The following MAGI2 variants were observed in gnomAD, a reference collection of about 807,000 sequenced individuals.
The protein encoded by MAGI2 is membrane associated guanylate kinase, WW and PDZ domain containing 2, also known as membrane-associated guanylate kinase, WW and PDZ domain-containing protein 2.
A neutral mutation model predicts 133.3 loss-of-function variants in MAGI2; 35 were observed. The observed-to-expected ratio is 0.26, with a 90% CI of 0.20 to 0.35. The LOEUF (loss-of-function observed/expected upper bound fraction) is 0.35, where lower values mean the gene tolerates loss of function less well. Among genes scored for constraint, MAGI2 ranks in the 10% least tolerant of loss-of-function variants. The probability of loss-of-function intolerance (pLI) is 1.00; values close to 1 mark genes in which losing one functional copy is unlikely to be tolerated. For missense variants in MAGI2, 1,636 were observed against 1,863.4 expected, an observed-to-expected ratio of 0.88 and a Z score of 2.25; for synonymous variants, 729 against 710.6, an observed-to-expected ratio of 1.03 and a Z score of -0.41.
chr7:78,776,961 A>C (rs934305100), intron 2 of MAGI2, among the ~76,000 whole-genome samples: 1 of 152,190 alleles, frequency 6.6e-6, no homozygotes, highest in Admixed American at 6.5e-5. Context: ...GCTGGCAGCT[A>C]TGGTGTTTGC....
In MAGI2 at chr7:78,256,050, A is replaced by G. The variant is rs1333629890; in HGVS notation, c.1940T>C (p.Val647Ala). 1 of 1,613,734 alleles carries G rather than the reference A, an allele frequency of 6.2e-7. No individual in the cohort carries two copies. The highest frequency in any genetic ancestry group is 8.5e-7 in the Non-Finnish European group (1 of 1,179,918). Residue 647 changes from valine (V) to alanine (A), a missense_variant, in exon 10 of 22, where the codon GTT becomes GCT. Around this residue, in one of 5 missense-constraint regions of MAGI2, gnomAD observed 920 missense variants for 1,093.5 expected, o/e 0.84. Coordinates refer to ENST00000354212, the MANE Select transcript of MAGI2 (RefSeq NM_012301.4). ...CPGLCEGDLI[V>A]EINQQNVQNL... The stretch of plus-strand genomic sequence containing the variant: ...CTGTACATTCTGCTGGTTGATCTCA[A>G]CAATGAGGTCGCCTTCACACAGGCC...
chr7:78,187,093 T>C (rs962229901), intron 12 of MAGI2, among the ~76,000 whole-genome samples: 1 of 152,172 alleles, frequency 6.6e-6, no homozygotes. Flanking sequence ...AAGTTTACCA[T>C]ATTGTTTTGC....
Position 79,073,058 on chromosome 7 carries a change from A to C in MAGI2, c.302-65852T>G, listed in dbSNP as rs542670525. 1.2e-4 allele frequency among the ~76,000 whole-genome samples: 18 copies of C among 152,314 alleles called. No homozygotes were observed. In the South Asian group the frequency reaches 3.7e-3, roughly 32 times the overall value. On this transcript the variant is annotated intron_variant, in intron 1 of 21. Coordinates refer to ENST00000354212, the MANE Select transcript of MAGI2 (RefSeq NM_012301.4). Reference sequence around the variant, plus strand: ...AAACAAACAACAACAACAACAAAAAAAACAAAGGCTAAGAGAGATGCTGTA... The same window carrying C: ...AAACAAACAACAACAACAACAAAAACAACAAAGGCTAAGAGAGATGCTGTA...
At chr7:78,729,827 C>G (rs1386768405) in intron 2 of MAGI2, among the ~76,000 whole-genome samples, 2 of 152,130 alleles carry the variant, frequency 1.3e-5, no homozygotes, top group Admixed American at 1.3e-4. Context: ...TTTTGAGAGA[C>G]CAAGAGTTCT....
At chr7:78,466,338 T>A (rs975572723) in intron 6 of MAGI2, among the ~76,000 whole-genome samples, 2 of 152,224 alleles carry the variant, frequency 1.3e-5, no homozygotes, top group Non-Finnish European at 2.9e-5. Flanking sequence ...CATTCCACTT[T>A]GCACTGGAAG....
chr7:78,507,492 C>T (rs1326771899), intron 4 of MAGI2, among the ~76,000 whole-genome samples: 1 of 152,156 alleles, frequency 6.6e-6, no homozygotes, highest in East Asian at 1.9e-4. Context: ...CCCTGCACCT[C>T]TTCTGGGCAG....
At chr7:78,816,083 A>C (rs1439231412) in intron 2 of MAGI2, among the ~76,000 whole-genome samples, 1 of 152,218 alleles carries the variant, frequency 6.6e-6, no homozygotes, top group African/African-American at 2.4e-5. Context: ...TGAACACAGA[A>C]GTGATAAGAA....
intron 21 of MAGI2, among the ~76,000 whole-genome samples, chr7:78,063,480 G>A (rs1382415183): frequency 2.0e-5 from 3 of 152,114 alleles, no homozygotes; most frequent in Admixed American, 6.5e-5. Context: ...GGCCTCAAGC[G>A]ATCCTCCTGC....
At chr7:78,645,348 T>C (rs1407381362) in intron 2 of MAGI2, among the ~76,000 whole-genome samples, 2 of 151,948 alleles carry the variant, frequency 1.3e-5, no homozygotes, top group African/African-American at 4.8e-5. Context: ...CAGACAAACA[T>C]TAAAAGAAAA....
chr7:78,724,403 G>A (rs1820561542), intron 2 of MAGI2, among the ~76,000 whole-genome samples: 2 of 152,210 alleles, frequency 1.3e-5, no homozygotes. Context: ...CAGCACCTAT[G>A]ATGGTACCAT....
intron 9 of MAGI2, among the ~76,000 whole-genome samples, chr7:78,317,679 G>A (rs187164347): frequency 9.7e-4 from 148 of 152,296 alleles, no homozygotes; most frequent in Non-Finnish European, 1.6e-3. Flanking sequence ...CCTGACCCCC[G>A]TGTATCCTGA....
At chr7:78,875,050 G>A (rs187925318) in intron 2 of MAGI2, among the ~76,000 whole-genome samples, 7 of 152,050 alleles carry the variant, frequency 4.6e-5, no homozygotes, top group Admixed American at 4.6e-4. Context: ...TAGAAATTAG[G>A]GACAAAATTC....
chr7:78,763,009 G>C (rs1417857581), intron 2 of MAGI2, among the ~76,000 whole-genome samples: 1 of 152,170 alleles, frequency 6.6e-6, no homozygotes, highest in African/African-American at 2.4e-5. Context: ...CAGACATAGA[G>C]CATTCTATAG....
At chr7:79,366,053 G>T (rs897897188) in intron 1 of MAGI2, among the ~76,000 whole-genome samples, 3 of 151,092 alleles carry the variant, frequency 2.0e-5, no homozygotes, top group African/African-American at 7.3e-5. Flanking sequence ...ACCAGCCTGG[G>T]CAACATGGTG....
At chr7:79,438,030 T>G (rs889307822) in intron 1 of MAGI2, among the ~76,000 whole-genome samples, 1 of 152,114 alleles carries the variant, frequency 6.6e-6, no homozygotes, top group Non-Finnish European at 1.5e-5. Context: ...TTCCTCAAAT[T>G]TCCACTCTTG....
intron 16 of MAGI2, among the ~76,000 whole-genome samples, chr7:78,147,944 A>G (rs1823481185): frequency 6.6e-6 from 1 of 152,176 alleles, no homozygotes; most frequent in Non-Finnish European, 1.5e-5. Flanking sequence ...TCACAAGGAT[A>G]GGAAGCATCT....
chr7:78,670,451 G>A (rs1814234070), intron 2 of MAGI2, among the ~76,000 whole-genome samples: 1 of 152,210 alleles, frequency 6.6e-6, no homozygotes, highest in Admixed American at 6.5e-5. Context: ...AACGTTCAAT[G>A]CTCATGGGCA....
intron 6 of MAGI2, among the ~76,000 whole-genome samples, chr7:78,437,001 C>T (rs538502618): frequency 3.3e-5 from 5 of 152,120 alleles, no homozygotes; most frequent in South Asian, 2.1e-4. Flanking sequence ...CTATACCAAA[C>T]GCAGAGTAGA....
chr7:78,199,734 T>C (rs529658189), intron 11 of MAGI2, among the ~76,000 whole-genome samples: 8 of 152,376 alleles, frequency 5.3e-5, no homozygotes, highest in East Asian at 1.9e-4. Flanking sequence ...CCCTAGCTTT[T>C]GTAGAAATAC....
Sources: allele counts gnomAD v4.1 joint callset (sites outside exome capture counted in the v4.1 genomes callset), GRCh38; gene constraint gnomAD v4.1.1; regional missense constraint gnomAD v4.1.1; transcripts MANE v1.5; gene names NCBI Gene and HGNC (gene_info 2026-07-23, HGNC 2026-07-21).